The following PLPPR1 variants were observed in gnomAD, a reference collection of about 807,000 sequenced individuals.
PLPPR1 encodes phospholipid phosphatase-related protein type 1.
PLPPR1 carries 10 observed loss-of-function variants against 33.1 expected under a neutral mutation model. The observed-to-expected ratio is 0.30, with a 90% CI of 0.19 to 0.51. PLPPR1 has a LOEUF of 0.51. Among genes scored for constraint, PLPPR1 ranks in the 20% least tolerant of loss-of-function variants. The pLI is 0.97. For synonymous variants in PLPPR1, 151 were observed against 151.0 expected, an observed-to-expected ratio of 1.00 and a Z score of 0.00; for missense variants, 304 against 408.1, an observed-to-expected ratio of 0.74 and a Z score of 2.20.
At chr9:101,129,653 A>G (rs1434064274) in intron 1 of PLPPR1, among the ~76,000 whole-genome samples, 1 of 152,144 alleles carries the variant, frequency 6.6e-6, no homozygotes, top group African/African-American at 2.4e-5. Context: ...AACATGGTGA[A>G]ACCCCGTCTC....
At chr9:101,160,587 C>T (rs1285342880) in intron 1 of PLPPR1, among the ~76,000 whole-genome samples, 3 of 152,062 alleles carry the variant, frequency 2.0e-5, no homozygotes, top group Admixed American at 1.3e-4. Context: ...ATTTGAAATG[C>T]AGCCTTAAAG....
intron 1 of PLPPR1, among the ~76,000 whole-genome samples, chr9:101,177,697 A>G (rs544182092): frequency 5.8e-4 from 88 of 152,334 alleles, no homozygotes; most frequent in African/African-American, 2.0e-3. Flanking sequence ...TTTATAACCT[A>G]TTAATGAGGT....
At chr9:101,092,177 A>G (rs1001661882) in intron 1 of PLPPR1, among the ~76,000 whole-genome samples, 2 of 152,132 alleles carry the variant, frequency 1.3e-5, no homozygotes, top group African/African-American at 4.8e-5. Context: ...TTGTCTTGCT[A>G]AAGTCTACTT....
chr9:101,281,457 A>G (rs1302510936), intron 3 of PLPPR1, among the ~76,000 whole-genome samples: 4 of 152,118 alleles, frequency 2.6e-5, no homozygotes, highest in African/African-American at 9.6e-5. Flanking sequence ...AGCCAAAGCT[A>G]TCTTGAGCAA....
chr9:101,200,398 G>C (rs2915423), intron 2 of PLPPR1, among the ~76,000 whole-genome samples: 134,223 of 152,138 alleles, frequency 0.88, 59,283 homozygotes, highest in East Asian at 0.96. Context: ...CACAAATAAA[G>C]TGCTTACACC....
chr9:101,128,455 C>T (rs1195561631), intron 1 of PLPPR1, among the ~76,000 whole-genome samples: 4 of 152,156 alleles, frequency 2.6e-5, no homozygotes, highest in African/African-American at 9.7e-5. Context: ...TTGAACCAAT[C>T]TATGGCAGGC....
intron 1 of PLPPR1, among the ~76,000 whole-genome samples, chr9:101,045,352 A>C (rs1830131776): frequency 6.6e-6 from 1 of 152,234 alleles, no homozygotes; most frequent in Non-Finnish European, 1.5e-5. Flanking sequence ...TATTTATTCA[A>C]TATATTTAAG....
rs747599995 is a variant in PLPPR1, at chr9:101,185,541, G to A, written c.47G>A (p.Cys16Tyr). Residue 16 changes from cysteine (C) to tyrosine (Y), a missense_variant, in exon 2 of 8, where the codon TGT becomes TAT. Coordinates refer to ENST00000374874, the MANE Select transcript of PLPPR1 (RefSeq NM_207299.2). Reference protein sequence around the residue: ...NTQRSYSIIPCFIFVELVIMA... With the variant: ...NTQRSYSIIPYFIFVELVIMA... ...CAACGAAGTTATTCCATCATCCCGT[G>A]TTTTATATTTGTTGAGGTATGTGTA... 6.2e-7 allele frequency: 1 copy of A among 1,608,216 alleles called. No homozygotes were observed. Among genetic ancestry groups the A allele is most frequent in the African/African-American group, 1.3e-5 (1 of 74,726 alleles).
rs1831704512 is a variant in PLPPR1, at chr9:101,156,974, C to T, written c.-45-28476C>T. Among the ~76,000 whole-genome samples the T allele has an allele frequency of 2.0e-5, 3 of 152,022 alleles. No homozygotes were observed. In the South Asian group the frequency reaches 6.2e-4, roughly 32 times the overall value. ...CTGGTGAGCCTGACATTGACATGGT[C>T]CCACTTATTACAGAAGGATCATTTG... On this transcript the variant is annotated intron_variant, in intron 1 of 7. Transcript: ENST00000374874.
At chr9:101,202,753 C>T (rs1826516336) in intron 2 of PLPPR1, among the ~76,000 whole-genome samples, 1 of 152,148 alleles carries the variant, frequency 6.6e-6, no homozygotes, top group African/African-American at 2.4e-5. Flanking sequence ...TCAGCATTCT[C>T]CCAGCTGAGG....
chr9:101,054,038 G>T (rs756856291), intron 1 of PLPPR1, among the ~76,000 whole-genome samples: 1 of 151,958 alleles, frequency 6.6e-6, no homozygotes, highest in Non-Finnish European at 1.5e-5. Context: ...ACAAAAATTA[G>T]CTGGGCATGG....
At chr9:101,283,788 C>T (rs1171424347) in intron 3 of PLPPR1, among the ~76,000 whole-genome samples, 2 of 151,924 alleles carry the variant, frequency 1.3e-5, no homozygotes, top group Non-Finnish European at 2.9e-5. Flanking sequence ...GAAAATCAAA[C>T]AACTCAATAG....
chr9:101,116,723 C>T lies in PLPPR1; in HGVS notation c.-45-68727C>T, dbSNP rs569818819. Among the ~76,000 whole-genome samples the T allele has an allele frequency of 1.6e-3, 237 of 150,884 alleles. 3 individuals carry two copies. Among genetic ancestry groups the T allele is most frequent in the African/African-American group, 4.6e-3 (190 of 41,102 alleles). The stretch of plus-strand genomic sequence containing the variant: ...CTACTCAGGAGGCTGAGACAAGGTT[C>T]GCTTGAAGCTGGGAGGTGGAGGTTG... On this transcript the variant is annotated intron_variant, in intron 1 of 7. Transcript: ENST00000374874.
chr9:101,162,030 CT>C (rs1431256374), intron 1 of PLPPR1, among the ~76,000 whole-genome samples: 1 of 151,534 alleles, frequency 6.6e-6, no homozygotes, highest in Non-Finnish European at 1.5e-5. Flanking sequence ...TATGTTCTAG[CT>C]TTGACACTTG....
intron 2 of PLPPR1, among the ~76,000 whole-genome samples, chr9:101,256,499 A>G (rs893657707): frequency 6.6e-6 from 1 of 152,180 alleles, no homozygotes. Flanking sequence ...GCAGACAGCC[A>G]CTGCTGACGG....
chr9:101,269,754 G>GCA, intron 2 of PLPPR1, 126 bp from the exon 3 acceptor site: 1 of 858,674 alleles, frequency 1.2e-6, no homozygotes, highest in South Asian at 1.5e-5. Flanking sequence ...CGCCTGGCAC[G>GCA]CACACACTCG....
chr9:101,043,810 T>A (rs1830111954), intron 1 of PLPPR1, among the ~76,000 whole-genome samples: 1 of 151,810 alleles, frequency 6.6e-6, no homozygotes, highest in African/African-American at 2.4e-5. Context: ...AACATCTATT[T>A]TTTTCTTTAT....
At chr9:101,298,785 A>C (rs1828693860) in intron 4 of PLPPR1, among the ~76,000 whole-genome samples, 1 of 152,216 alleles carries the variant, frequency 6.6e-6, no homozygotes, top group Non-Finnish European at 1.5e-5. Flanking sequence ...CAGACACTAA[A>C]CAAAATAAAT....
At chr9:101,248,667 C>T (rs1284966605) in intron 2 of PLPPR1, among the ~76,000 whole-genome samples, 1 of 152,056 alleles carries the variant, frequency 6.6e-6, no homozygotes, top group African/African-American at 2.4e-5. Context: ...ATCCTTTCCC[C>T]TATCATGTGT....
Sources: gnomAD v4.1 joint callset for allele counts (sites outside exome capture counted in the v4.1 genomes callset) on GRCh38, gnomAD v4.1.1 for gene constraint, MANE v1.5 for transcripts, NCBI Gene and HGNC (gene_info 2026-07-23, HGNC 2026-07-21) for gene names.